Variants in DCAF7 observed in about 807,000 individuals in gnomAD.
The protein encoded by DCAF7 is DDB1 and CUL4 associated factor 7.
DCAF7 carries 4 observed loss-of-function variants against 41.2 expected under a neutral mutation model. The ratio of observed to expected loss-of-function variants is 0.10; its 90% confidence interval spans 0.05 to 0.22. DCAF7 has a LOEUF of 0.22. DCAF7 is among the 10% of genes least tolerant of loss of function. DCAF7 has a pLI of 1.00. For missense variants in DCAF7, 131 were observed against 443.2 expected (o/e 0.30, Z 6.32); for synonymous variants, 143 against 164.2 (o/e 0.87, Z 0.99).
At position 63,590,116 on chromosome 17, in the gene DCAF7, A is replaced by T. The variant is rs1361781613; in HGVS notation, c.*944A>T. 6.6e-6 allele frequency: 1 copy of T among 152,604 alleles called. No individual in the cohort carries two copies. The highest frequency in any genetic ancestry group is 1.5e-5 in the Non-Finnish European group (1 of 68,044). The allele number at this position is 152,604 out of a possible 1,614,324, so 9.5% of individuals were successfully genotyped here. On this transcript the variant is annotated 3_prime_UTR_variant, in exon 7 of 7. Coordinates refer to ENST00000614556, the MANE Select transcript of DCAF7 (RefSeq NM_005828.5). ...CTTTCAGAGTCTGTTTTTCCATCCA[A>T]ATATAAGCCCCAGGCCATTCCACTT...
chr17:63,563,397 T>C (rs557917022), intron 1 of DCAF7, among the ~76,000 whole-genome samples: 2 of 152,328 alleles, frequency 1.3e-5, no homozygotes, highest in African/African-American at 4.8e-5. Flanking sequence ...CTAAGAATGT[T>C]AGTTGCTACA....
intron 1 of DCAF7, among the ~76,000 whole-genome samples, chr17:63,568,954 A>C (rs1018717426): frequency 6.6e-6 from 1 of 152,216 alleles, no homozygotes; most frequent in Non-Finnish European, 1.5e-5. Context: ...TTAATTCCAA[A>C]TGCTTAGGAG....
At chr17:63,573,747 T>A (rs1310111734) in intron 1 of DCAF7, among the ~76,000 whole-genome samples, 1 of 151,202 alleles carries the variant, frequency 6.6e-6, no homozygotes, top group Non-Finnish European at 1.5e-5. Context: ...AAAAAAAAAA[T>A]TATGCAAAGG....
chr17:63,552,876 A>G (rs1191021279), intron 1 of DCAF7, among the ~76,000 whole-genome samples: 1 of 152,202 alleles, frequency 6.6e-6, no homozygotes, highest in South Asian at 2.1e-4. Context: ...TTAGCAGTGA[A>G]ATGCAAACTA....
intron 1 of DCAF7, among the ~76,000 whole-genome samples, chr17:63,577,736 G>A (rs1016715652): frequency 1.3e-5 from 2 of 152,246 alleles, no homozygotes; most frequent in East Asian, 1.9e-4. Context: ...AATTGCAAAG[G>A]GTGTTTCATA....
In DCAF7 at chr17:63,570,445, C is replaced by G. The variant is rs549281276; in HGVS notation, c.139-8025C>G. Among the ~76,000 whole-genome samples, 13 of 151,712 alleles carry G rather than the reference C, an allele frequency of 8.6e-5. No homozygotes were observed. The East Asian group carries it at 1.6e-3, about 18-fold the overall frequency. ...CTCCAGCCTGGGCAACAGTGAGACT[C>G]CGTCTCAAAAAAAAAGAAAAAAAAA... On this transcript the variant is annotated intron_variant, in intron 1 of 6. Transcript: ENST00000614556.
At chr17:63,576,705 G>A (rs2033566139) in intron 1 of DCAF7, among the ~76,000 whole-genome samples, 1 of 152,100 alleles carries the variant, frequency 6.6e-6, no homozygotes, top group Non-Finnish European at 1.5e-5. Flanking sequence ...CTTGAGCCCA[G>A]AAGTTCGAGG....
At chr17:63,579,289 T>C (rs551048206) in intron 2 of DCAF7, 48 bp from the exon 3 acceptor site, 265 of 1,315,666 alleles carry the variant, frequency 2.0e-4, no homozygotes, top group Non-Finnish European at 2.7e-4. Context: ...AAAGACTTTT[T>C]ATGAGGATAA....
chr17:63,577,020 C>T (rs1161079012), intron 1 of DCAF7, among the ~76,000 whole-genome samples: 1 of 152,202 alleles, frequency 6.6e-6, no homozygotes, highest in African/African-American at 2.4e-5. Flanking sequence ...ATCTCAAGAG[C>T]AGTGTACTGA....
At position 63,582,555 on chromosome 17, in the gene DCAF7, G is replaced by A. The variant is rs147618450; in HGVS notation, c.529-947G>A. The stretch of plus-strand genomic sequence containing the variant: ...CTGATCTCAGCTCACTGTAATCTCC[G>A]CCTCCCGGGTTCAAGCGATTCTCCT... On this transcript the variant is annotated intron_variant, in intron 4 of 6. Coordinates refer to ENST00000614556, the MANE Select transcript of DCAF7 (RefSeq NM_005828.5). Among the ~76,000 whole-genome samples the A allele has an allele frequency of 9.3e-3, 1,406 of 150,966 alleles. 20 individuals are homozygous for A. The highest frequency in any genetic ancestry group is 0.032 in the African/African-American group (1,326 of 41,028).
chr17:63,556,595 G>T (rs553793688), intron 1 of DCAF7, among the ~76,000 whole-genome samples: 1 of 151,576 alleles, frequency 6.6e-6, no homozygotes, highest in East Asian at 1.9e-4. Context: ...AGGGCCGGGC[G>T]CAGTGGCTCA....
chr17:63,587,348 T>A (rs1393881612), intron 6 of DCAF7, among the ~76,000 whole-genome samples: 1 of 140,310 alleles, frequency 7.1e-6, no homozygotes, highest in African/African-American at 2.7e-5. Flanking sequence ...TTCCCAGGGG[T>A]GTGGATAGGG....
intron 5 of DCAF7, among the ~76,000 whole-genome samples, chr17:63,584,375 A>G (rs182029290): frequency 2.0e-5 from 3 of 148,034 alleles, no homozygotes; most frequent in Non-Finnish European, 3.0e-5. Flanking sequence ...GGCTGAGGCA[A>G]GAGAATTGTT....
rs1259758110 is a variant in DCAF7 at position 63,594,173 on chromosome 17, C to G, written c.*5001C>G. Reference sequence around the variant, plus strand: ...TTTCTTGTTTCCTAAGTAAATTAAACCTAATTTTCACCCTTTCATTCTGTT... The same window carrying G: ...TTTCTTGTTTCCTAAGTAAATTAAAGCTAATTTTCACCCTTTCATTCTGTT... On this transcript the variant is annotated 3_prime_UTR_variant, in exon 7 of 7. Coordinates refer to ENST00000614556, the MANE Select transcript of DCAF7 (RefSeq NM_005828.5). The G allele has an allele frequency of 6.6e-6, 1 of 152,574 alleles. No homozygotes were observed. The highest frequency in any genetic ancestry group is 1.5e-5 in the Non-Finnish European group (1 of 68,032). The allele number at this position is 152,574 out of a possible 1,614,324, so 9.5% of individuals were successfully genotyped here.
intron 4 of DCAF7, among the ~76,000 whole-genome samples, chr17:63,581,159 A>G (rs1008104953): frequency 2.6e-5 from 4 of 152,162 alleles, no homozygotes; most frequent in African/African-American, 7.2e-5. Flanking sequence ...CCAGGGGTCA[A>G]ATGAAGAGTT....
intron 1 of DCAF7, among the ~76,000 whole-genome samples, chr17:63,570,670 T>G (rs2033497074): frequency 6.6e-6 from 1 of 152,122 alleles, no homozygotes; most frequent in Non-Finnish European, 1.5e-5. Context: ...AACTTACTAG[T>G]GCAGAAAAAC....
At chr17:63,567,540 A>G (rs2033457214) in intron 1 of DCAF7, among the ~76,000 whole-genome samples, 1 of 152,228 alleles carries the variant, frequency 6.6e-6, no homozygotes, top group Non-Finnish European at 1.5e-5. Context: ...AACACAATCA[A>G]TTTTGGAAAG....
intron 4 of DCAF7, among the ~76,000 whole-genome samples, 199 bp downstream of exon 4, chr17:63,580,142 T>C (rs2033605098): frequency 6.6e-6 from 1 of 152,210 alleles, no homozygotes; most frequent in South Asian, 2.1e-4. Flanking sequence ...TTTTGGCTAA[T>C]GTAAATGACC....
At chr17:63,584,518 T>C (rs2033657388) in intron 5 of DCAF7, among the ~76,000 whole-genome samples, 1 of 151,010 alleles carries the variant, frequency 6.6e-6, no homozygotes, top group Non-Finnish European at 1.5e-5. Context: ...TCCCAGCACT[T>C]TGGGAGGCCA....
Sources: allele counts gnomAD v4.1 joint callset (sites outside exome capture counted in the v4.1 genomes callset), GRCh38; gene constraint gnomAD v4.1.1; transcripts MANE v1.5; gene names NCBI Gene and HGNC (gene_info 2026-07-23, HGNC 2026-07-21).